Variants in GBF1 observed in about 807,000 individuals in gnomAD.
GBF1 encodes Golgi-specific brefeldin A-resistance guanine nucleotide exchange factor 1.
A neutral mutation model predicts 210.5 loss-of-function variants in GBF1; 114 were observed. The ratio of observed to expected loss-of-function variants is 0.54; its 90% confidence interval spans 0.47 to 0.63. The LOEUF (loss-of-function observed/expected upper bound fraction) is 0.63, where lower values mean the gene tolerates loss of function less well. GBF1 is among the 30% of genes least tolerant of loss of function. The probability of loss-of-function intolerance (pLI) is 0.00; values close to 1 mark genes in which losing one functional copy is unlikely to be tolerated. For missense variants in GBF1, 1,851 were observed against 2,357.7 expected (o/e 0.79, Z 4.45); for synonymous variants, 850 against 889.2 (o/e 0.96, Z 0.78).
chr10:102,294,081 A>C (rs2076710592), intron 3 of GBF1, among the ~76,000 whole-genome samples: 1 of 151,878 alleles, frequency 6.6e-6, no homozygotes. Context: ...CCCGGGCTGT[A>C]GTATGTATGT....
At chr10:102,232,625 C>T in the GBF1 span, among the ~76,000 whole-genome samples, 6 of 152,072 alleles carry the variant, frequency 3.9e-5, no homozygotes, top group African/African-American at 1.2e-4. Context: ...GAGGTTGCAG[C>T]GAGCCGAGAT....
the GBF1 span, among the ~76,000 whole-genome samples, chr10:102,234,811 G>A: frequency 6.6e-6 from 1 of 152,116 alleles, no homozygotes; most frequent in Non-Finnish European, 1.5e-5. Context: ...TTTGGCTCCC[G>A]ACTTGCAGTT....
intron 3 of GBF1, among the ~76,000 whole-genome samples, chr10:102,291,453 T>C (rs1379592358): frequency 6.6e-6 from 1 of 152,172 alleles, no homozygotes; most frequent in Non-Finnish European, 1.5e-5. Flanking sequence ...CTTTGTACTT[T>C]GAAATAGGAA....
intron 1 of GBF1, among the ~76,000 whole-genome samples, chr10:102,247,605 G>A (rs189371061): frequency 1.3e-5 from 2 of 152,136 alleles, no homozygotes; most frequent in East Asian, 1.9e-4. Context: ...TGAGCCTAAG[G>A]GTGACTATAG....
At chr10:102,259,129 A>G in intron 2 of GBF1, 95 bp downstream of exon 2, 1 of 740,334 alleles carries the variant, frequency 1.4e-6, no homozygotes, top group Non-Finnish European at 2.5e-6. Context: ...AGTAATAATG[A>G]GAATAGTAGG....
chr10:102,346,877 T>C (rs184620368), intron 4 of GBF1, among the ~76,000 whole-genome samples: 1 of 152,138 alleles, frequency 6.6e-6, no homozygotes, highest in Non-Finnish European at 1.5e-5. Context: ...TTTAATTGAG[T>C]TGGGTTTGTT....
chr10:102,286,940 AT>A (rs1230424926), intron 3 of GBF1, among the ~76,000 whole-genome samples: 2 of 152,166 alleles, frequency 1.3e-5, no homozygotes, highest in African/African-American at 4.8e-5. Flanking sequence ...ATGTAATATA[AT>A]TACTGGGAGG....
chr10:102,253,425 T>G (rs975176454), intron 1 of GBF1, among the ~76,000 whole-genome samples: 2 of 152,230 alleles, frequency 1.3e-5, no homozygotes, highest in Non-Finnish European at 2.9e-5. Flanking sequence ...TGAAGTGCTT[T>G]AGCTTTGTAA....
At chr10:102,294,124 G>C (rs936621621) in intron 3 of GBF1, among the ~76,000 whole-genome samples, 26 of 151,724 alleles carry the variant, frequency 1.7e-4, no homozygotes, top group African/African-American at 6.3e-4. Flanking sequence ...AAGTCCAAAA[G>C]CTTAAAAAAA....
rs754706030 is a variant in GBF1, at chr10:102,344,020, T to C, written c.164-31T>C. On this transcript the variant is annotated intron_variant, in intron 3 of 39. Coordinates refer to ENST00000369983, the MANE Select transcript of GBF1 (RefSeq NM_001377137.1). Reference sequence around the variant, plus strand: ...CAGGGTTTAGTTTTCTCTTAGATGATACCTCTTCATTTCTGTGTATTTTCT... The same window carrying C: ...CAGGGTTTAGTTTTCTCTTAGATGACACCTCTTCATTTCTGTGTATTTTCT... 3.8e-6 allele frequency: 6 copies of C among 1,599,130 alleles called. No homozygotes were observed. In the Admixed American group the frequency reaches 8.3e-5, roughly 22 times the overall value.
intron 3 of GBF1, among the ~76,000 whole-genome samples, chr10:102,318,800 A>G (rs2056102829): frequency 6.6e-6 from 1 of 152,122 alleles, no homozygotes; most frequent in South Asian, 2.1e-4. Flanking sequence ...AGCATTATCT[A>G]TTGACTTCCT....
intron 17 of GBF1, among the ~76,000 whole-genome samples, chr10:102,364,401 T>G (rs1364555462): frequency 6.6e-6 from 1 of 150,484 alleles, no homozygotes; most frequent in South Asian, 2.1e-4. Flanking sequence ...ATTTTTTGTA[T>G]TTTTAGTAGA....
intron 3 of GBF1, among the ~76,000 whole-genome samples, chr10:102,267,981 G>A (rs1165344980): frequency 1.3e-5 from 2 of 152,214 alleles, no homozygotes; most frequent in African/African-American, 4.8e-5. Flanking sequence ...CACAGTTAGA[G>A]TGAATAAAGG....
intron 3 of GBF1, among the ~76,000 whole-genome samples, chr10:102,265,816 G>A (rs1223826799): frequency 2.0e-5 from 3 of 152,144 alleles, no homozygotes; most frequent in African/African-American, 7.2e-5. Flanking sequence ...TAGGGTGTGC[G>A]TGTGTCTATG....
In GBF1 at chr10:102,370,375, C is replaced by G; in HGVS notation, c.3412-9C>G. The G allele has an allele frequency of 1.3e-6, 2 of 1,594,270 alleles. No individual in the cohort carries two copies. Among genetic ancestry groups the G allele is most frequent in the Non-Finnish European group, 8.6e-7 (1 of 1,162,210 alleles). On this transcript the variant is annotated splice_polypyrimidine_tract_variant and intron_variant, in intron 27 of 39. Transcript: ENST00000369983. ...CCATGCCTACTTTCCTGCTGCTGTT[C>G]CCCTTCAGGCTCTGGTCTCAGTGAC...
At chr10:102,286,509 G>T (rs1458514752) in intron 3 of GBF1, among the ~76,000 whole-genome samples, 1 of 152,166 alleles carries the variant, frequency 6.6e-6, no homozygotes, top group Non-Finnish European at 1.5e-5. Context: ...ATGCAAATTG[G>T]ACACATTTTG....
chr10:102,237,293 T>C, the GBF1 span, among the ~76,000 whole-genome samples: 1 of 151,938 alleles, frequency 6.6e-6, no homozygotes, highest in Non-Finnish European at 1.5e-5. Context: ...GCTCAGAGAA[T>C]ATAGGCACGT....
chr10:102,270,088 C>T (rs1311661395), intron 3 of GBF1, among the ~76,000 whole-genome samples: 1 of 151,848 alleles, frequency 6.6e-6, no homozygotes, highest in African/African-American at 2.4e-5. Context: ...CCATGTTAGC[C>T]AGGATGGTCT....
chr10:102,246,527 C>T (rs149887648), intron 1 of GBF1, among the ~76,000 whole-genome samples: 137 of 152,292 alleles, frequency 9.0e-4, no homozygotes, highest in East Asian at 1.2e-3. Context: ...ATAAGGAAAC[C>T]ACTCTATTAT....
Sources: gnomAD v4.1 joint callset for allele counts (sites outside exome capture counted in the v4.1 genomes callset) on GRCh38, gnomAD v4.1.1 for gene constraint, MANE v1.5 for transcripts, NCBI Gene and HGNC (gene_info 2026-07-23, HGNC 2026-07-21) for gene names.